Variants in UEVLD observed in about 807,000 individuals in gnomAD.
UEVLD encodes ubiquitin-conjugating enzyme E2 variant 3.
UEVLD carries 47 observed loss-of-function variants against 58.6 expected under a neutral mutation model. The observed-to-expected ratio is 0.80, with a 90% CI of 0.63 to 1.02. UEVLD has a LOEUF of 1.02. Ranked by LOEUF, UEVLD falls within the 50% of genes least tolerant of loss-of-function variation. The pLI is 0.00. For missense variants in UEVLD, 510 were observed against 550.6 expected, an observed-to-expected ratio of 0.93 and a Z score of 0.74; for synonymous variants, 197 against 195.3, an observed-to-expected ratio of 1.01 and a Z score of -0.07.
intron 7 of UEVLD, among the ~76,000 whole-genome samples, chr11:18,547,260 T>C (rs1851341588): frequency 6.6e-6 from 1 of 152,318 alleles, no homozygotes; most frequent in African/African-American, 2.4e-5. Flanking sequence ...GTGTGGTGGC[T>C]CATGCCTGTA....
At chr11:18,551,377 C>T (rs1851519429) in intron 7 of UEVLD, among the ~76,000 whole-genome samples, 2 of 141,894 alleles carry the variant, frequency 1.4e-5, no homozygotes, top group Non-Finnish European at 1.5e-5. Context: ...GAGCTGAGAT[C>T]GCGCCACTGC....
At chr11:18,583,886 C>G (rs1040541134) in intron 1 of UEVLD, among the ~76,000 whole-genome samples, 5 of 151,948 alleles carry the variant, frequency 3.3e-5, no homozygotes, top group African/African-American at 1.2e-4. Flanking sequence ...GTCTTGAACT[C>G]CTGACCTCAG....
At chr11:18,537,331 T>A (rs1454359109) in intron 9 of UEVLD, among the ~76,000 whole-genome samples, 1,694 of 147,432 alleles carry the variant, frequency 0.011, 15 homozygotes, top group Middle Eastern at 0.028. Flanking sequence ...TATATTTTTT[T>A]TTTTTTTTCT....
intron 6 of UEVLD, among the ~76,000 whole-genome samples, chr11:18,562,067 T>C (rs778623831): frequency 9.2e-5 from 14 of 152,136 alleles, no homozygotes; most frequent in Non-Finnish European, 1.9e-4. Context: ...TGTATCAAAA[T>C]ATTAACGTCT....
intron 1 of UEVLD, among the ~76,000 whole-genome samples, chr11:18,579,880 C>T (rs1477366550): frequency 1.3e-5 from 2 of 151,914 alleles, no homozygotes; most frequent in Non-Finnish European, 2.9e-5. Flanking sequence ...AGGTACAATA[C>T]TTAGACTCTG....
chr11:18,584,000 C>T (rs544379991), intron 1 of UEVLD, among the ~76,000 whole-genome samples: 3 of 151,978 alleles, frequency 2.0e-5, no homozygotes, highest in East Asian at 1.9e-4. Flanking sequence ...GTTGCCTCTC[C>T]GAGGTAACTC....
intron 3 of UEVLD, among the ~76,000 whole-genome samples, chr11:18,574,933 T>C (rs1229347281): frequency 6.6e-6 from 1 of 152,200 alleles, no homozygotes; most frequent in East Asian, 1.9e-4. Context: ...CCTATGTCTG[T>C]CTTGCTTTCC....
chr11:18,571,224 G>A (rs1454017914), intron 3 of UEVLD, among the ~76,000 whole-genome samples: 9 of 152,082 alleles, frequency 5.9e-5, no homozygotes, highest in Non-Finnish European at 1.2e-4. Context: ...GCAAGCACCT[G>A]TAATCCCAGA....
At chr11:18,545,628 A>C (rs1291274449) in intron 8 of UEVLD, among the ~76,000 whole-genome samples, 1 of 151,450 alleles carries the variant, frequency 6.6e-6, no homozygotes, top group Non-Finnish European at 1.5e-5. Context: ...TATTTTTAAT[A>C]GAGGCAGGGT....
intron 1 of UEVLD, among the ~76,000 whole-genome samples, chr11:18,586,819 T>C (rs985880934): frequency 2.0e-5 from 3 of 152,102 alleles, no homozygotes; most frequent in Non-Finnish European, 4.4e-5. Context: ...TACTTATTAA[T>C]AATAAGCTAC....
chr11:18,543,609 T>G (rs1463535873), intron 9 of UEVLD, among the ~76,000 whole-genome samples: 1 of 152,226 alleles, frequency 6.6e-6, no homozygotes, highest in African/African-American at 2.4e-5. Context: ...GCACTGTAAG[T>G]GTATAGTACT....
chr11:18,549,083 A>G (rs1851419336), intron 7 of UEVLD, among the ~76,000 whole-genome samples: 1 of 152,262 alleles, frequency 6.6e-6, no homozygotes, highest in Non-Finnish European at 1.5e-5. Flanking sequence ...CAGATGAGAA[A>G]TCTGAGGCAC....
intron 3 of UEVLD, among the ~76,000 whole-genome samples, chr11:18,572,564 G>A (rs1174880391): frequency 1.3e-5 from 2 of 152,180 alleles, no homozygotes; most frequent in African/African-American, 4.8e-5. Context: ...CAGCACTTCG[G>A]GAGGCAGAGG....
intron 4 of UEVLD, among the ~76,000 whole-genome samples, chr11:18,566,928 T>C (rs1852329860): frequency 6.6e-6 from 1 of 152,326 alleles, no homozygotes; most frequent in East Asian, 1.9e-4. Context: ...TAACTTTTCA[T>C]TTTGAAATAA....
chr11:18,541,937 C>T (rs1590315026), intron 9 of UEVLD, among the ~76,000 whole-genome samples: 1 of 152,300 alleles, frequency 6.6e-6, no homozygotes, highest in East Asian at 1.9e-4. Context: ...CCTGCATTCA[C>T]TGGCTCCCTA....
intron 7 of UEVLD, among the ~76,000 whole-genome samples, chr11:18,553,875 G>C (rs1420693914): frequency 6.6e-6 from 1 of 152,170 alleles, no homozygotes; most frequent in Non-Finnish European, 1.5e-5. Context: ...AATGTGTACA[G>C]AGCTTCCTTT....
At chr11:18,588,514 A>C in intron 1 of UEVLD, 99 bp downstream of exon 1, 1 of 1,443,388 alleles carries the variant, frequency 6.9e-7, no homozygotes, top group South Asian at 1.3e-5. Flanking sequence ...AAGCCCCACT[A>C]CAAGCCGGGA....
intron 7 of UEVLD, among the ~76,000 whole-genome samples, chr11:18,553,979 G>T (rs12289644): frequency 0.026 from 3,920 of 152,204 alleles, 163 homozygotes; most frequent in African/African-American, 0.09. Context: ...TATGTTATGT[G>T]TATTTGGGCA....
chr11:18,534,998 G>A (rs1036039687), intron 10 of UEVLD, among the ~76,000 whole-genome samples: 10 of 152,276 alleles, frequency 6.6e-5, no homozygotes, highest in East Asian at 5.8e-4. Flanking sequence ...ACTACCAAGC[G>A]TAGTACCATG....
Sources: allele counts gnomAD v4.1 joint callset (sites outside exome capture counted in the v4.1 genomes callset), GRCh38; gene constraint gnomAD v4.1.1; transcripts MANE v1.5; gene names NCBI Gene and HGNC (gene_info 2026-07-23, HGNC 2026-07-21).